Variants in ADAM29 observed in about 807,000 individuals in gnomAD.
The protein encoded by ADAM29 is ADAM metallopeptidase domain 29.
For missense variants in ADAM29, 969 were observed against 1,001.8 expected (o/e 0.97, Z 0.44); for synonymous variants, 367 against 342.3 (o/e 1.07, Z -0.80).
At chr4:174,948,704 T>C (rs1255918031) in intron 4 of ADAM29, among the ~76,000 whole-genome samples, 5 of 152,042 alleles carry the variant, frequency 3.3e-5, no homozygotes, top group Non-Finnish European at 5.9e-5. Flanking sequence ...GGCAAGGGCA[T>C]CTAGAGGGGG....
intron 4 of ADAM29, among the ~76,000 whole-genome samples, chr4:174,938,741 G>A (rs1402528262): frequency 6.6e-6 from 1 of 151,994 alleles, no homozygotes; most frequent in East Asian, 1.9e-4. Flanking sequence ...GTTTTATTAG[G>A]GCTGCCATTA....
chr4:174,921,059 A>G (rs1218677180), intron 2 of ADAM29, among the ~76,000 whole-genome samples: 1 of 152,118 alleles, frequency 6.6e-6, no homozygotes, highest in African/African-American at 2.4e-5. Context: ...ATATTATACT[A>G]TGCCAGTCTT....
At chr4:174,923,641 A>G (rs1242707554) in intron 2 of ADAM29, among the ~76,000 whole-genome samples, 3 of 151,050 alleles carry the variant, frequency 2.0e-5, no homozygotes, top group African/African-American at 7.3e-5. Flanking sequence ...GGGAAGAACA[A>G]CAACAAAATC....
intron 4 of ADAM29, among the ~76,000 whole-genome samples, chr4:174,962,241 G>A (rs1745865564): frequency 6.6e-6 from 1 of 152,156 alleles, no homozygotes; most frequent in African/African-American, 2.4e-5. Flanking sequence ...GCCTGGTGCA[G>A]TGGCTCATGC....
chr4:174,934,333 A>G (rs1210005028), intron 3 of ADAM29, among the ~76,000 whole-genome samples: 1 of 152,126 alleles, frequency 6.6e-6, no homozygotes, highest in Non-Finnish European at 1.5e-5. Context: ...TTATGATATA[A>G]TGCATATATC....
chr4:174,971,089 A>T (rs2111100257), intron 4 of ADAM29, among the ~76,000 whole-genome samples: 1 of 152,136 alleles, frequency 6.6e-6, no homozygotes, highest in African/African-American at 2.4e-5. Flanking sequence ...TTCTTTTTTT[A>T]ATACTTTTGT....
At chr4:174,965,708 C>A (rs1159910499) in intron 4 of ADAM29, among the ~76,000 whole-genome samples, 1 of 152,076 alleles carries the variant, frequency 6.6e-6, no homozygotes, top group Non-Finnish European at 1.5e-5. Context: ...CCACTGCCTT[C>A]TTTCTGTGTC....
intron 4 of ADAM29, among the ~76,000 whole-genome samples, chr4:174,954,458 C>A (rs1281791283): frequency 6.6e-6 from 1 of 152,130 alleles, no homozygotes; most frequent in Non-Finnish European, 1.5e-5. Context: ...CTCAATATTT[C>A]TCCAATCTTT....
chr4:174,957,560 C>T (rs1745573754), intron 4 of ADAM29, among the ~76,000 whole-genome samples: 1 of 151,652 alleles, frequency 6.6e-6, no homozygotes, highest in Non-Finnish European at 1.5e-5. Flanking sequence ...ATAAAGAAAT[C>T]CTAGTAAGTT....
chr4:174,971,946 A>AT (rs544807157), intron 4 of ADAM29, among the ~76,000 whole-genome samples: 363 of 152,204 alleles, frequency 2.4e-3, no homozygotes, highest in Non-Finnish European at 4.3e-3. Context: ...AAGTTCACTG[A>AT]TTGTTTCTTC....
chr4:174,961,652 GA>G (rs897822259), intron 4 of ADAM29, among the ~76,000 whole-genome samples: 3 of 151,690 alleles, frequency 2.0e-5, no homozygotes, highest in African/African-American at 7.3e-5. Flanking sequence ...ACATACCTAA[GA>G]AAAAAAGATC....
At chr4:174,971,346 C>T (rs572318325) in intron 4 of ADAM29, among the ~76,000 whole-genome samples, 15 of 152,188 alleles carry the variant, frequency 9.9e-5, no homozygotes, top group African/African-American at 3.4e-4. Flanking sequence ...TTTAGTATCC[C>T]ATCATTTCAA....
At chr4:174,927,426 T>A (rs758394669) in intron 2 of ADAM29, among the ~76,000 whole-genome samples, 1 of 152,208 alleles carries the variant, frequency 6.6e-6, no homozygotes, top group Non-Finnish European at 1.5e-5. Flanking sequence ...ACCTTTACTA[T>A]GTTGAATGTT....
chr4:174,972,344 A>G (rs1746525078), intron 4 of ADAM29, among the ~76,000 whole-genome samples: 1 of 152,216 alleles, frequency 6.6e-6, no homozygotes, highest in Admixed American at 6.5e-5. Context: ...ACCAACCAGC[A>G]AAGCCAGAGA....
chr4:174,943,686 A>ACG (rs1744678340), intron 4 of ADAM29, among the ~76,000 whole-genome samples: 2 of 152,150 alleles, frequency 1.3e-5, no homozygotes, highest in Admixed American at 1.3e-4. Flanking sequence ...TTGGGTGGGG[A>ACG]CACAAGAGTC....
At chr4:174,960,457 T>G (rs553283898) in intron 4 of ADAM29, among the ~76,000 whole-genome samples, 1 of 152,246 alleles carries the variant, frequency 6.6e-6, no homozygotes, top group Admixed American at 6.5e-5. Flanking sequence ...GTATTTAGAT[T>G]TGTTTGATTT....
intron 2 of ADAM29, among the ~76,000 whole-genome samples, chr4:174,924,562 T>C (rs892359316): frequency 2.6e-5 from 4 of 152,348 alleles, no homozygotes; most frequent in Middle Eastern, 6.8e-3. Flanking sequence ...AGTCACAAGA[T>C]AGCCTTCAGT....
intron 3 of ADAM29, among the ~76,000 whole-genome samples, chr4:174,931,816 T>TCA (rs34499872): frequency 0.075 from 11,216 of 150,352 alleles, 531 homozygotes; most frequent in Admixed American, 0.16. Context: ...TCTCTCTCTG[T>TCA]CACACACACA....
intron 4 of ADAM29, among the ~76,000 whole-genome samples, chr4:174,969,736 C>G (rs1746368439): frequency 6.6e-6 from 1 of 151,752 alleles, no homozygotes; most frequent in Non-Finnish European, 1.5e-5. Flanking sequence ...AGTTAATATC[C>G]TTTGAAAATA....
Sources: gnomAD v4.1 joint callset for allele counts (sites outside exome capture counted in the v4.1 genomes callset) on GRCh38, gnomAD v4.1.1 for gene constraint, MANE v1.5 for transcripts, NCBI Gene and HGNC (gene_info 2026-07-23, HGNC 2026-07-21) for gene names.